Variants in PDSS2 observed in about 807,000 individuals in gnomAD.
PDSS2 encodes decaprenyl diphosphate synthase subunit 2.
In PDSS2, 31 loss-of-function variants were observed where a neutral mutation model predicts 44.5. That is an observed-to-expected ratio of 0.70 (90% CI 0.52 to 0.94). PDSS2 has a LOEUF of 0.94. Among genes scored for constraint, PDSS2 ranks in the 40% least tolerant of loss-of-function variants. The probability of loss-of-function intolerance (pLI) is 0.00; values close to 1 mark genes in which losing one functional copy is unlikely to be tolerated. For synonymous variants in PDSS2, 157 were observed against 180.3 expected, an observed-to-expected ratio of 0.87 and a Z score of 1.03; for missense variants, 452 against 482.2, an observed-to-expected ratio of 0.94 and a Z score of 0.59.
intron 1 of PDSS2, among the ~76,000 whole-genome samples, chr6:107,456,461 A>G (rs1430319748): frequency 6.6e-6 from 1 of 152,256 alleles, no homozygotes; most frequent in Non-Finnish European, 1.5e-5. Flanking sequence ...AGGAAGTCAC[A>G]TAAGGTCATA....
chr6:107,268,930 T>G (rs182967277), intron 3 of PDSS2, among the ~76,000 whole-genome samples: 4 of 145,972 alleles, frequency 2.7e-5, no homozygotes, highest in South Asian at 4.6e-4. Context: ...GTATCTTACT[T>G]TAACAAATAG....
chr6:107,437,252 C>T (rs544158950), intron 1 of PDSS2, among the ~76,000 whole-genome samples: 2 of 152,230 alleles, frequency 1.3e-5, no homozygotes, highest in African/African-American at 2.4e-5. Context: ...CTGGGTGCAG[C>T]GGCTCACACC....
chr6:107,413,761 T>C (rs1251599241), intron 1 of PDSS2, among the ~76,000 whole-genome samples: 1 of 152,174 alleles, frequency 6.6e-6, no homozygotes, highest in African/African-American at 2.4e-5. Context: ...CAGGAATGCA[T>C]AGAAAAACAA....
In PDSS2 at chr6:107,392,350, T is replaced by C. The variant is rs538693856; in HGVS notation, c.297-58018A>G. On this transcript the variant is annotated intron_variant, in intron 1 of 7. Transcript: ENST00000369037. The stretch of plus-strand genomic sequence containing the variant: ...ACCCATAGAAAATAAAACAGTCAGA[T>C]ACTGCTTGCAGCAGTGAACGGTAAT... 1.8e-4 allele frequency among the ~76,000 whole-genome samples: 28 copies of C among 152,358 alleles called. No individual in the cohort carries two copies. In the South Asian group the frequency reaches 5.6e-3, roughly 30 times the overall value.
chr6:107,178,219 C>T (rs577538894), intron 7 of PDSS2, among the ~76,000 whole-genome samples: 1 of 152,262 alleles, frequency 6.6e-6, no homozygotes, highest in South Asian at 2.1e-4. Context: ...GAAATTCTAT[C>T]TACATTTATT....
intron 1 of PDSS2, among the ~76,000 whole-genome samples, chr6:107,380,165 T>C (rs1027217543): frequency 5.3e-5 from 8 of 152,150 alleles, no homozygotes; most frequent in African/African-American, 1.9e-4. Context: ...TCCCCTGTTA[T>C]CTTTGGGTTT....
At chr6:107,300,639 T>C (rs1776662813) in intron 2 of PDSS2, among the ~76,000 whole-genome samples, 1 of 152,150 alleles carries the variant, frequency 6.6e-6, no homozygotes, top group Non-Finnish European at 1.5e-5. Context: ...GGAGGGACAA[T>C]GATCGGGATA....
rs773536866 is a variant in PDSS2, at chr6:107,212,095, G to A, written c.876+14C>T. The A allele has an allele frequency of 6.2e-7, 1 of 1,608,254 alleles. No individual in the cohort carries two copies. Among genetic ancestry groups the A allele is most frequent in the African/African-American group, 1.3e-5 (1 of 74,896 alleles). Reference sequence around the variant, plus strand: ...ATTTAAGTACTGAAAAAAGATAAAGGGTGTGCAAAGTACCTTATGACTCAT... The same window carrying A: ...ATTTAAGTACTGAAAAAAGATAAAGAGTGTGCAAAGTACCTTATGACTCAT... On this transcript the variant is annotated intron_variant, in intron 5 of 7. Coordinates refer to ENST00000369037, the MANE Select transcript of PDSS2 (RefSeq NM_020381.4).
intron 4 of PDSS2, among the ~76,000 whole-genome samples, chr6:107,232,713 A>C (rs1774091317): frequency 6.6e-6 from 1 of 152,194 alleles, no homozygotes; most frequent in Non-Finnish European, 1.5e-5. Flanking sequence ...TTCACTGAGC[A>C]CTTGTATTTC....
intron 4 of PDSS2, among the ~76,000 whole-genome samples, chr6:107,221,483 C>G (rs915993039): frequency 6.7e-6 from 1 of 148,584 alleles, no homozygotes; most frequent in Non-Finnish European, 1.5e-5. Flanking sequence ...CTTTTTTTTT[C>G]CTGAAAGGTG....
chr6:107,275,842 A>G (rs1775761615), intron 2 of PDSS2, among the ~76,000 whole-genome samples: 1 of 152,176 alleles, frequency 6.6e-6, no homozygotes, highest in Non-Finnish European at 1.5e-5. Context: ...GGCCAGGTGC[A>G]GTGGCTCATG....
intron 2 of PDSS2, among the ~76,000 whole-genome samples, chr6:107,274,530 T>C (rs2114946048): frequency 6.6e-6 from 1 of 152,332 alleles, no homozygotes; most frequent in East Asian, 1.9e-4. Flanking sequence ...TACTGTGCTC[T>C]TGGTATACTT....
At chr6:107,223,611 G>A (rs777316365) in intron 4 of PDSS2, among the ~76,000 whole-genome samples, 4 of 151,192 alleles carry the variant, frequency 2.6e-5, no homozygotes, top group Non-Finnish European at 5.9e-5. Flanking sequence ...ACACATGGGA[G>A]GCTGAGGTGG....
rs62430108 is a variant in PDSS2, at chr6:107,359,383, G to C, written c.297-25051C>G. 9.9e-3 allele frequency among the ~76,000 whole-genome samples: 1,505 copies of C among 151,986 alleles called. 13 individuals are homozygous for C. Among genetic ancestry groups the C allele is most frequent in the Non-Finnish European group, 0.013 (861 of 67,972 alleles). On this transcript the variant is annotated intron_variant, in intron 1 of 7. Transcript: ENST00000369037. ...CATGCCTGTAATGCCAGCACTTTGGGAAGCTGAGGCGGGTGGATCACTTGA... is the reference window on the plus strand; with the variant it reads ...CATGCCTGTAATGCCAGCACTTTGGCAAGCTGAGGCGGGTGGATCACTTGA...
At chr6:107,264,646 C>A in intron 3 of PDSS2, 1 of 579,472 alleles carries the variant, frequency 1.7e-6, no homozygotes, top group Non-Finnish European at 3.0e-6. Context: ...TGCACTGTGG[C>A]TTAATCCTAA....
intron 7 of PDSS2, among the ~76,000 whole-genome samples, chr6:107,157,310 G>C (rs560404590): frequency 6.6e-6 from 1 of 151,756 alleles, no homozygotes; most frequent in Non-Finnish European, 1.5e-5. Context: ...TCAGCCACCC[G>C]GGTAGCTGGG....
At chr6:107,203,612 G>A (rs373853042) in intron 6 of PDSS2, among the ~76,000 whole-genome samples, 1 of 151,970 alleles carries the variant, frequency 6.6e-6, no homozygotes, top group Non-Finnish European at 1.5e-5. Flanking sequence ...AAGTTGGTTT[G>A]CCATAGGCAA....
At chr6:107,402,132 T>C (rs539941727) in intron 1 of PDSS2, among the ~76,000 whole-genome samples, 6 of 151,716 alleles carry the variant, frequency 4.0e-5, no homozygotes, top group East Asian at 1.9e-4. Context: ...TACAAAAAAT[T>C]AGCCAGCTGT....
chr6:107,206,950 C>T (rs1772996781), intron 6 of PDSS2, among the ~76,000 whole-genome samples: 1 of 151,800 alleles, frequency 6.6e-6, no homozygotes, highest in African/African-American at 2.4e-5. Flanking sequence ...AAGTAAGCCA[C>T]TGTGGCAGGT....
Sources: allele counts gnomAD v4.1 joint callset (sites outside exome capture counted in the v4.1 genomes callset), GRCh38; gene constraint gnomAD v4.1.1; transcripts MANE v1.5; gene names NCBI Gene and HGNC (gene_info 2026-07-23, HGNC 2026-07-21).